The following CACNA2D1 variants were observed in gnomAD, a reference collection of about 807,000 sequenced individuals.
CACNA2D1 encodes the protein calcium voltage-gated channel auxiliary subunit alpha2delta 1, also known as voltage-dependent calcium channel subunit alpha-2/delta-1.
A neutral mutation model predicts 171.5 loss-of-function variants in CACNA2D1; 53 were observed. That is an observed-to-expected ratio of 0.31 (90% CI 0.25 to 0.39). The LOEUF (loss-of-function observed/expected upper bound fraction) is 0.39, where lower values mean the gene tolerates loss of function less well. Among genes scored for constraint, CACNA2D1 ranks in the 10% least tolerant of loss-of-function variants. The pLI is 1.00. For missense variants in CACNA2D1, 903 were observed against 1,299.8 expected, an observed-to-expected ratio of 0.69 and a Z score of 4.69; for synonymous variants, 442 against 443.1, an observed-to-expected ratio of 1.00 and a Z score of 0.03.
intron 1 of CACNA2D1, among the ~76,000 whole-genome samples, chr7:82,385,830 A>G (rs180674416): frequency 1.3e-5 from 2 of 151,752 alleles, no homozygotes; most frequent in East Asian, 1.9e-4. Context: ...ATGCCCAACT[A>G]ATTTTTGTAT....
In CACNA2D1 at chr7:82,217,398, T is replaced by C. The variant is rs1212669979; in HGVS notation, c.295-46789A>G. On this transcript the variant is annotated intron_variant, in intron 3 of 38. Coordinates refer to ENST00000356860, the MANE Select transcript of CACNA2D1 (RefSeq NM_000722.4). ...ACATATACACACACACACATACATA[T>C]ATATATATATATATATATATATATA... 3.3e-3 allele frequency among the ~76,000 whole-genome samples: 67 copies of C among 20,456 alleles called. 1 individual carries two copies. The highest frequency in any genetic ancestry group is 8.4e-3 in the Non-Finnish European group (44 of 5,218). The allele number at this position is 20,456 out of a possible 152,430, so 13.4% of individuals were successfully genotyped here. A position where few individuals can be genotyped will look rare whatever the true frequency, so the allele number is the denominator to read the frequency against.
chr7:82,229,550 T>C (rs2129273496), intron 3 of CACNA2D1, among the ~76,000 whole-genome samples: 1 of 152,210 alleles, frequency 6.6e-6, no homozygotes, highest in East Asian at 1.9e-4. Context: ...AAATCTAATA[T>C]GCTCCTCAAA....
chr7:81,994,751 A>G (rs1797872122), intron 20 of CACNA2D1, 117 bp downstream of exon 20: 3 of 626,084 alleles, frequency 4.8e-6, no homozygotes, highest in Non-Finnish European at 8.7e-6. Context: ...ATTGTTTCCT[A>G]GAGATCTCCC....
intron 1 of CACNA2D1, among the ~76,000 whole-genome samples, chr7:82,379,147 C>A (rs1282550247): frequency 6.6e-6 from 1 of 151,972 alleles, no homozygotes; most frequent in Non-Finnish European, 1.5e-5. Context: ...TGTGTGTGGC[C>A]TATAGTAGTT....
intron 1 of CACNA2D1, among the ~76,000 whole-genome samples, chr7:82,389,580 CCT>C (rs1268246745): frequency 1.3e-5 from 2 of 152,118 alleles, no homozygotes; most frequent in African/African-American, 4.8e-5. Context: ...CTCCCTGCCC[CCT>C]GACATTTCTA....
At chr7:82,146,626 T>C (rs1163085266) in intron 4 of CACNA2D1, among the ~76,000 whole-genome samples, 1 of 150,884 alleles carries the variant, frequency 6.6e-6, no homozygotes, top group Admixed American at 6.6e-5. Flanking sequence ...GTGTCTGGAA[T>C]GCTGTATGAA....
chr7:81,980,393 T>C (rs981768460), intron 24 of CACNA2D1, among the ~76,000 whole-genome samples: 3 of 152,122 alleles, frequency 2.0e-5, no homozygotes, highest in Admixed American at 6.6e-5. Flanking sequence ...TAAGCATCAC[T>C]GTGCTCCAAC....
At chr7:82,136,557 A>C in intron 5 of CACNA2D1, 78 bp downstream of exon 5, 10 of 1,029,286 alleles carry the variant, frequency 9.7e-6, no homozygotes, top group African/African-American at 1.6e-5. Context: ...TAAAACTGCT[A>C]GCTCAATTTA....
chr7:82,101,438 A>G (rs994126081), intron 6 of CACNA2D1, among the ~76,000 whole-genome samples: 3 of 152,216 alleles, frequency 2.0e-5, no homozygotes, highest in Non-Finnish European at 2.9e-5. Flanking sequence ...AAAACGTTAC[A>G]TGACAGATGG....
At chr7:82,012,314 GAA>G in intron 14 of CACNA2D1, 71 bp from the exon 15 acceptor site, 1 of 813,098 alleles carries the variant, frequency 1.2e-6, no homozygotes, top group South Asian at 1.4e-5. Flanking sequence ...AAATTACAGA[GAA>G]AAAATATTCT....
intron 4 of CACNA2D1, among the ~76,000 whole-genome samples, chr7:82,156,440 C>T (rs530071349): frequency 5.9e-5 from 9 of 152,072 alleles, no homozygotes; most frequent in Admixed American, 3.3e-4. Flanking sequence ...CAAGGGAGAA[C>T]GTGATAAATC....
At chr7:82,188,272 C>T (rs1319109792) in intron 3 of CACNA2D1, among the ~76,000 whole-genome samples, 1 of 151,608 alleles carries the variant, frequency 6.6e-6, no homozygotes, top group Non-Finnish European at 1.5e-5. Flanking sequence ...ATAAAATAGA[C>T]CAAAGTATAC....
At chr7:82,003,164 C>A (rs1482074479) in intron 18 of CACNA2D1, among the ~76,000 whole-genome samples, 1 of 151,936 alleles carries the variant, frequency 6.6e-6, no homozygotes, top group Non-Finnish European at 1.5e-5. Context: ...ATAATATTTA[C>A]TGAATTAATG....
At chr7:82,050,448 G>A in intron 10 of CACNA2D1, 1 of 616,860 alleles carries the variant, frequency 1.6e-6, no homozygotes, top group Non-Finnish European at 2.9e-6. Context: ...AGGACAGCCA[G>A]GGGTCACCTG....
At chr7:82,331,578 T>A (rs1817301403) in intron 3 of CACNA2D1, among the ~76,000 whole-genome samples, 1 of 152,184 alleles carries the variant, frequency 6.6e-6, no homozygotes, top group African/African-American at 2.4e-5. Flanking sequence ...ATTGAACTAT[T>A]CTACACTTAA....
At chr7:82,178,768 CTCATGCTATCATGGCCCA>C in intron 3 of CACNA2D1, among the ~76,000 whole-genome samples, 1 of 152,184 alleles carries the variant, frequency 6.6e-6, no homozygotes, top group East Asian at 1.9e-4. Flanking sequence ...GTTCTATAAC[CTCATGCTATCATGGCCCA>C]TCATGCTATA....
chr7:82,350,381 C>T (rs558359392), intron 1 of CACNA2D1, among the ~76,000 whole-genome samples: 200 of 152,172 alleles, frequency 1.3e-3, no homozygotes, highest in African/African-American at 4.5e-3. Context: ...TATTTTATTT[C>T]CGGGCCAGAC....
chr7:82,289,775 T>A (rs1157802456), intron 3 of CACNA2D1, among the ~76,000 whole-genome samples: 2 of 152,268 alleles, frequency 1.3e-5, no homozygotes, highest in East Asian at 3.8e-4. Context: ...CTTGTCTTTC[T>A]AATGTTTATA....
chr7:82,206,485 A>G (rs1437504925), intron 3 of CACNA2D1, among the ~76,000 whole-genome samples: 1 of 152,154 alleles, frequency 6.6e-6, no homozygotes, highest in Non-Finnish European at 1.5e-5. Flanking sequence ...TACCACTGCT[A>G]AAACATTCAG....
Sources: allele counts gnomAD v4.1 joint callset (sites outside exome capture counted in the v4.1 genomes callset), GRCh38; gene constraint gnomAD v4.1.1; transcripts MANE v1.5; gene names NCBI Gene and HGNC (gene_info 2026-07-23, HGNC 2026-07-21).